The following SLC9B1 variants were observed in gnomAD, a reference collection of about 807,000 sequenced individuals.
The protein encoded by SLC9B1 is sodium/hydrogen exchanger 9B1.
A neutral mutation model predicts 51.7 loss-of-function variants in SLC9B1; 32 were observed. The ratio of observed to expected loss-of-function variants is 0.62; its 90% CI spans 0.47 to 0.83. The LOEUF (loss-of-function observed/expected upper bound fraction) is 0.83, where lower values mean the gene tolerates loss of function less well. Among genes scored for constraint, SLC9B1 ranks in the 40% least tolerant of loss-of-function variants. The probability of loss-of-function intolerance (pLI) is 0.00; values close to 1 mark genes in which losing one functional copy is unlikely to be tolerated. For synonymous variants in SLC9B1, 145 were observed against 212.7 expected, an observed-to-expected ratio of 0.68 and a Z score of 2.77; for missense variants, 406 against 613.2, an observed-to-expected ratio of 0.66 and a Z score of 3.57.
intron 1 of SLC9B1, among the ~76,000 whole-genome samples, chr4:102,992,763 T>C (rs1560523828): frequency 6.6e-6 from 1 of 152,206 alleles, no homozygotes; most frequent in Non-Finnish European, 1.5e-5. Flanking sequence ...GAATGATGTA[T>C]TAGTCCATTT....
chr4:102,906,737 T>C (rs1735077582), intron 9 of SLC9B1, 93 bp from the exon 10 acceptor site: 3 of 772,806 alleles, frequency 3.9e-6, no homozygotes, highest in Non-Finnish European at 6.1e-6. Flanking sequence ...TTTTCATTTT[T>C]TAAGTATTTT....
intron 1 of SLC9B1, among the ~76,000 whole-genome samples, chr4:103,000,426 C>T (rs1404837079): frequency 6.6e-6 from 1 of 152,182 alleles, no homozygotes; most frequent in Non-Finnish European, 1.5e-5. Flanking sequence ...CTCAAAAGTC[C>T]ACAGACCAAT....
chr4:102,982,092 T>C (rs1021100885), intron 3 of SLC9B1, among the ~76,000 whole-genome samples: 2 of 152,102 alleles, frequency 1.3e-5, no homozygotes, highest in Non-Finnish European at 2.9e-5. Context: ...GGTCTATGTA[T>C]AGATTCCTTT....
chr4:102,886,544 A>G (rs1243412119), intron 11 of SLC9B1, among the ~76,000 whole-genome samples: 1 of 152,138 alleles, frequency 6.6e-6, no homozygotes, highest in Non-Finnish European at 1.5e-5. Context: ...AAAATATACC[A>G]AACTGTTAAT....
chr4:102,925,109 T>C (rs2110449480), intron 7 of SLC9B1, among the ~76,000 whole-genome samples: 1 of 152,320 alleles, frequency 6.6e-6, no homozygotes, highest in African/African-American at 2.4e-5. Flanking sequence ...TGCACACGTA[T>C]GTTTATTGTG....
intron 1 of SLC9B1, among the ~76,000 whole-genome samples, chr4:103,014,681 T>G (rs1414154229): frequency 6.6e-6 from 1 of 152,214 alleles, no homozygotes; most frequent in Non-Finnish European, 1.5e-5. Flanking sequence ...TATTGGATTT[T>G]AAATACATAC....
intron 7 of SLC9B1, among the ~76,000 whole-genome samples, chr4:102,925,016 A>G (rs1419880092): frequency 6.6e-6 from 1 of 152,186 alleles, no homozygotes; most frequent in Non-Finnish European, 1.5e-5. Flanking sequence ...AAGGATCTAG[A>G]ACTAGAAATA....
chr4:102,959,309 T>C (rs1737967252), intron 3 of SLC9B1, among the ~76,000 whole-genome samples: 2 of 152,108 alleles, frequency 1.3e-5, no homozygotes, highest in South Asian at 4.1e-4. Context: ...GTAATTACTA[T>C]ATATATGTAA....
intron 3 of SLC9B1, among the ~76,000 whole-genome samples, chr4:102,958,487 A>G (rs1239930877): frequency 6.6e-6 from 1 of 152,180 alleles, no homozygotes; most frequent in Non-Finnish European, 1.5e-5. Context: ...CTGTCTCTAA[A>G]AAATTTAAGC....
intron 11 of SLC9B1, among the ~76,000 whole-genome samples, chr4:102,893,299 A>AAAAAAAAAAG: frequency 6.8e-6 from 1 of 147,930 alleles, no homozygotes; most frequent in Non-Finnish European, 1.5e-5. Context: ...AAAAAAAAAA[A>AAAAAAAAAAG]AAAAAAGAAA....
chr4:103,001,319 A>G (rs530477861), intron 1 of SLC9B1, among the ~76,000 whole-genome samples: 150 of 152,292 alleles, frequency 9.8e-4, no homozygotes, highest in Non-Finnish European at 1.0e-4. Context: ...CTCATTACTT[A>G]CGCAAATGTC....
rs71621629 is a variant in SLC9B1 at position 102,907,579 on chromosome 4, C to T, written c.1087-935G>A. Among the ~76,000 whole-genome samples, 469 of 152,370 alleles carry T rather than the reference C, an allele frequency of 3.1e-3. 1 individual carries two copies. Among genetic ancestry groups the T allele is most frequent in the Admixed American group, 5.9e-3 (91 of 15,304 alleles). ...ACGAATGCCTCCCAGTGCTACTTCC[C>T]CAATTAAAACGTTACAGGAAAGGCC... On this transcript the variant is annotated intron_variant, in intron 9 of 11. Coordinates refer to ENST00000296422, the MANE Select transcript of SLC9B1 (RefSeq NM_139173.4).
At chr4:103,001,226 A>G (rs1740508785) in intron 1 of SLC9B1, among the ~76,000 whole-genome samples, 3 of 152,216 alleles carry the variant, frequency 2.0e-5, no homozygotes, top group Admixed American at 2.0e-4. Context: ...GGCCTGGCCC[A>G]CAAAACCACT....
At chr4:102,963,031 G>A in intron 3 of SLC9B1, 1 of 453,652 alleles carries the variant, frequency 2.2e-6, no homozygotes, top group Non-Finnish European at 4.4e-6. Context: ...GTATAAGAAT[G>A]TTGTTCTTTC....
At chr4:102,895,017 A>AC (rs1277409729) in intron 11 of SLC9B1, among the ~76,000 whole-genome samples, 3 of 152,180 alleles carry the variant, frequency 2.0e-5, no homozygotes, top group Non-Finnish European at 4.4e-5. Context: ...TCACAAAAGC[A>AC]TTTTAAAATT....
At chr4:102,962,360 T>G (rs1414718230) in intron 3 of SLC9B1, 1 of 538,508 alleles carries the variant, frequency 1.9e-6, no homozygotes, top group Non-Finnish European at 3.8e-6. Flanking sequence ...GAAAGGTTCA[T>G]GGAGCAAGTG....
intron 3 of SLC9B1, among the ~76,000 whole-genome samples, chr4:102,983,877 C>G (rs11737544): frequency 4.6e-5 from 7 of 151,832 alleles, no homozygotes; most frequent in Admixed American, 1.3e-4. Context: ...TTTAATTGTA[C>G]TGATATCTAC....
chr4:102,893,626 A>G (rs1217821882), intron 11 of SLC9B1, among the ~76,000 whole-genome samples: 2 of 152,170 alleles, frequency 1.3e-5, no homozygotes, highest in East Asian at 1.9e-4. Flanking sequence ...CCTGATAAAC[A>G]TAAGACAAAA....
At chr4:102,924,476 C>T (rs1229291331) in intron 7 of SLC9B1, among the ~76,000 whole-genome samples, 1 of 152,176 alleles carries the variant, frequency 6.6e-6, no homozygotes, top group Non-Finnish European at 1.5e-5. Context: ...CTAGGCAATA[C>T]CATTCAGGCC....
Sources: gnomAD v4.1 joint callset for allele counts (sites outside exome capture counted in the v4.1 genomes callset) on GRCh38, gnomAD v4.1.1 for gene constraint, MANE v1.5 for transcripts, NCBI Gene and HGNC (gene_info 2026-07-23, HGNC 2026-07-21) for gene names.